The following CSMD1 variants were observed in gnomAD, a reference collection of about 807,000 sequenced individuals.
The protein encoded by CSMD1 is CUB and Sushi multiple domains 1, also known as CUB and sushi domain-containing protein 1.
A neutral mutation model predicts 417.5 loss-of-function variants in CSMD1; 213 were observed. The observed-to-expected ratio is 0.51, with a 90% confidence interval of 0.46 to 0.57. The LOEUF (loss-of-function observed/expected upper bound fraction) is 0.57, where lower values mean the gene tolerates loss of function less well. Among genes scored for constraint, CSMD1 ranks in the 20% least tolerant of loss-of-function variants. The pLI, the probability that CSMD1 is intolerant of heterozygous loss-of-function variation, is 0.00. For missense variants in CSMD1, 6,923 were observed against 4,529.7 expected (o/e 1.53, Z -15.17); for synonymous variants, 2,862 against 1,736.8 (o/e 1.65, Z -16.11).
rs748436316 is a variant in CSMD1, at chr8:3,091,669, G to T, written c.7139-7C>A. On this transcript the variant is annotated splice_polypyrimidine_tract_variant and splice_region_variant and intron_variant, in intron 47 of 69. Transcript: ENST00000635120. ...GGACTTTGCCCAGAAGAACCTAAGT[G>T]AAACAGAAAAACAAAAACATTCAGA... 3 of 1,603,902 alleles carry T rather than the reference G, an allele frequency of 1.9e-6. No homozygotes were observed. In the Admixed American group the frequency reaches 5.2e-5, roughly 28 times the overall value.
intron 1 of CSMD1, among the ~76,000 whole-genome samples, chr8:4,885,800 T>C (rs1392800010): frequency 6.6e-6 from 1 of 152,028 alleles, no homozygotes; most frequent in Non-Finnish European, 1.5e-5. Flanking sequence ...AAGTTTTGAG[T>C]TCTGAGGAAA....
chr8:4,344,762 T>C (rs1373778639), intron 3 of CSMD1, among the ~76,000 whole-genome samples: 6 of 152,116 alleles, frequency 3.9e-5, no homozygotes, highest in Admixed American at 2.0e-4. Context: ...ATTTCACCGT[T>C]GTAGATAAAA....
chr8:4,096,324 C>G (rs1050679728), intron 3 of CSMD1, among the ~76,000 whole-genome samples: 2 of 152,108 alleles, frequency 1.3e-5, no homozygotes, highest in African/African-American at 4.8e-5. Flanking sequence ...GCAGAGGAAA[C>G]AACCCAGAAA....
intron 5 of CSMD1, among the ~76,000 whole-genome samples, chr8:3,774,085 C>G (rs1022741927): frequency 8.5e-5 from 13 of 152,160 alleles, no homozygotes; most frequent in Non-Finnish European, 1.3e-4. Context: ...AGTCATGCAG[C>G]TTCTTGTCTA....
chr8:4,924,180 T>A (rs1440057583), intron 1 of CSMD1, among the ~76,000 whole-genome samples: 1 of 152,168 alleles, frequency 6.6e-6, no homozygotes, highest in East Asian at 1.9e-4. Flanking sequence ...TGACAATCTC[T>A]GCTAGAAAAA....
intron 5 of CSMD1, among the ~76,000 whole-genome samples, chr8:3,841,284 A>C (rs1163883812): frequency 6.6e-6 from 1 of 152,196 alleles, no homozygotes; most frequent in Non-Finnish European, 1.5e-5. Flanking sequence ...AACTATCTTT[A>C]AAACTAAATT....
At position 3,997,815 on chromosome 8, in the gene CSMD1, C is replaced by A. The variant is rs17068476; in HGVS notation, c.818+88G>T. On this transcript the variant is annotated intron_variant, in intron 5 of 69. Coordinates refer to ENST00000635120, the MANE Select transcript of CSMD1 (RefSeq NM_033225.6). ...ACACACATGCTTGCCCATGAACGTC[C>A]AGAGACAAGCAATTCTTGAAGCTCG... is the stretch of plus-strand genomic sequence containing the variant. 2.7e-3 allele frequency: 3,380 copies of A among 1,236,434 alleles called. 79 individuals are homozygous for A. In the African/African-American group the frequency reaches 0.045, roughly 17 times the overall value. 76.6% of individuals were successfully genotyped at this position (1,236,434 alleles called of 1,614,324 possible). A position where few individuals can be genotyped will look rare whatever the true frequency, so the allele number is the denominator to read the frequency against.
At chr8:4,307,173 C>T (rs1374860614) in intron 3 of CSMD1, among the ~76,000 whole-genome samples, 1 of 152,146 alleles carries the variant, frequency 6.6e-6, no homozygotes, top group African/African-American at 2.4e-5. Context: ...AGCACAGGCT[C>T]CATTTAATAC....
chr8:4,046,538 A>C (rs891710282), intron 3 of CSMD1, among the ~76,000 whole-genome samples: 3 of 152,058 alleles, frequency 2.0e-5, no homozygotes, highest in African/African-American at 7.3e-5. Flanking sequence ...CATGTATTCA[A>C]CTCTGTACAT....
At chr8:4,545,412 A>G (rs1797584427) in intron 2 of CSMD1, among the ~76,000 whole-genome samples, 1 of 152,234 alleles carries the variant, frequency 6.6e-6, no homozygotes, top group African/African-American at 2.4e-5. Context: ...GTCTGCCTTG[A>G]TTAATAAGAG....
chr8:3,341,648 T>C (rs562344125), intron 23 of CSMD1, among the ~76,000 whole-genome samples: 1 of 152,106 alleles, frequency 6.6e-6, no homozygotes, highest in Non-Finnish European at 1.5e-5. Context: ...CGTTTTCTGC[T>C]CTTTGCCCAG....
At chr8:4,133,964 A>T (rs943862019) in intron 3 of CSMD1, among the ~76,000 whole-genome samples, 17 of 152,192 alleles carry the variant, frequency 1.1e-4, no homozygotes, top group African/African-American at 3.9e-4. Flanking sequence ...GCAAACAAAC[A>T]TTTTTAAACT....
intron 46 of CSMD1, among the ~76,000 whole-genome samples, chr8:3,104,320 T>A (rs780987557): frequency 2.0e-5 from 3 of 152,164 alleles, no homozygotes; most frequent in Non-Finnish European, 4.4e-5. Flanking sequence ...TTGGCTTTCT[T>A]CTAAGAAGAC....
chr8:4,960,036 C>G (rs1000634041), intron 1 of CSMD1, among the ~76,000 whole-genome samples: 1 of 152,182 alleles, frequency 6.6e-6, no homozygotes, highest in Non-Finnish European at 1.5e-5. Context: ...CATATGTAGC[C>G]TTCACAGTTA....
chr8:3,967,850 G>T (rs575511956), intron 5 of CSMD1, among the ~76,000 whole-genome samples: 1 of 151,896 alleles, frequency 6.6e-6, no homozygotes, highest in Non-Finnish European at 1.5e-5. Flanking sequence ...TATGATGACA[G>T]CATTTCCCTT....
intron 2 of CSMD1, among the ~76,000 whole-genome samples, chr8:4,478,275 T>C (rs936897688): frequency 6.6e-6 from 1 of 152,208 alleles, no homozygotes; most frequent in Admixed American, 6.5e-5. Context: ...GCTCCTAAGG[T>C]TGAAAATAGT....
chr8:4,292,331 C>A (rs1192785768), intron 3 of CSMD1, among the ~76,000 whole-genome samples: 1 of 152,148 alleles, frequency 6.6e-6, no homozygotes, highest in Non-Finnish European at 1.5e-5. Flanking sequence ...GGGCTCACTG[C>A]AACCTCTGCC....
At chr8:3,171,779 C>G (rs565038465) in intron 37 of CSMD1, among the ~76,000 whole-genome samples, 64 of 152,282 alleles carry the variant, frequency 4.2e-4, no homozygotes, top group African/African-American at 1.4e-3. Flanking sequence ...ATATCTAGCT[C>G]TCTATTGAAA....
intron 3 of CSMD1, among the ~76,000 whole-genome samples, chr8:4,337,694 AC>A (rs1800250370): frequency 6.6e-6 from 1 of 152,142 alleles, no homozygotes; most frequent in African/African-American, 2.4e-5. Flanking sequence ...AAGCATGCCA[AC>A]TTTTAAAAGA....
Sources: gnomAD v4.1 joint callset for allele counts (sites outside exome capture counted in the v4.1 genomes callset) on GRCh38, gnomAD v4.1.1 for gene constraint, MANE v1.5 for transcripts, NCBI Gene and HGNC (gene_info 2026-07-23, HGNC 2026-07-21) for gene names.